Variants in FSTL4 observed in about 807,000 individuals in gnomAD.
FSTL4 encodes follistatin-related protein 4.
Under a neutral mutation model 78.2 loss-of-function variants are expected in FSTL4, and 28 were observed. That is an observed-to-expected ratio of 0.36 (90% CI 0.27 to 0.49). FSTL4 has a LOEUF of 0.49. Ranked by LOEUF, FSTL4 falls within the 20% of genes least tolerant of loss-of-function variation. FSTL4 has a pLI of 0.98. For missense variants in FSTL4, 922 were observed against 1,084.9 expected (o/e 0.85, Z 2.11); for synonymous variants, 422 against 440.5 (o/e 0.96, Z 0.53).
chr5:133,797,708 G>A, the FSTL4 span, among the ~76,000 whole-genome samples: 11 of 152,084 alleles, frequency 7.2e-5, no homozygotes, highest in African/African-American at 1.9e-4. Context: ...TCAGTTCTCC[G>A]TAGGAGTCCA....
the FSTL4 span, among the ~76,000 whole-genome samples, chr5:133,758,686 C>G: frequency 4.6e-5 from 7 of 152,180 alleles, no homozygotes; most frequent in Non-Finnish European, 1.0e-4. Flanking sequence ...TGCAGCGTAA[C>G]AGATTACCTC....
At chr5:133,604,117 CT>C (rs1760927114) in intron 1 of FSTL4, 124 bp from the exon 2 acceptor site, 1 of 677,012 alleles carries the variant, frequency 1.5e-6, no homozygotes, top group Non-Finnish European at 2.6e-6. Context: ...CACCAAACTT[CT>C]GTTCTACCTT....
At chr5:133,625,734 TATATATATATTCC>T in the FSTL4 span, among the ~76,000 whole-genome samples, 2 of 80,428 alleles carry the variant, frequency 2.5e-5, no homozygotes, top group Admixed American at 1.4e-4. Flanking sequence ...CATATATATA[TATATATATATTCC>T]ATATATATAT....
At chr5:133,705,477 C>T in the FSTL4 span, among the ~76,000 whole-genome samples, 3 of 152,334 alleles carry the variant, frequency 2.0e-5, no homozygotes, top group African/African-American at 4.8e-5. Flanking sequence ...TCTGCTCTGG[C>T]GTCCACCAGG....
chr5:133,332,934 A>G (rs550433560), intron 4 of FSTL4, among the ~76,000 whole-genome samples: 27 of 152,348 alleles, frequency 1.8e-4, no homozygotes, highest in Admixed American at 1.6e-3. Context: ...CATGGCACCC[A>G]GTATAGGCTC....
At chr5:133,436,301 C>A (rs1180469174) in intron 3 of FSTL4, among the ~76,000 whole-genome samples, 1 of 152,118 alleles carries the variant, frequency 6.6e-6, no homozygotes. Flanking sequence ...GACACTTGGG[C>A]TCAGCTCCAA....
intron 6 of FSTL4, among the ~76,000 whole-genome samples, chr5:133,298,581 G>A (rs190926659): frequency 5.4e-4 from 82 of 152,348 alleles, no homozygotes; most frequent in African/African-American, 1.6e-3. Flanking sequence ...AATTTGGGGC[G>A]TTTCCTTAAA....
the FSTL4 span, among the ~76,000 whole-genome samples, chr5:133,749,072 G>A: frequency 1.3e-5 from 2 of 152,172 alleles, no homozygotes; most frequent in Non-Finnish European, 2.9e-5. Context: ...CTCTGGGAGT[G>A]GGTTGGTTGT....
At chr5:133,582,334 G>A (rs1313407615) in intron 2 of FSTL4, among the ~76,000 whole-genome samples, 1 of 152,226 alleles carries the variant, frequency 6.6e-6, no homozygotes, top group Non-Finnish European at 1.5e-5. Context: ...ACCTCCAGGA[G>A]CTTCAGTTTC....
the FSTL4 span, among the ~76,000 whole-genome samples, chr5:133,787,333 G>A: frequency 0.034 from 5,198 of 152,204 alleles, 246 homozygotes; most frequent in African/African-American, 0.11. Context: ...GGGACTACAG[G>A]GACTGCCTTC....
chr5:133,773,299 A>G, the FSTL4 span, among the ~76,000 whole-genome samples: 1 of 150,790 alleles, frequency 6.6e-6, no homozygotes, highest in Non-Finnish European at 1.5e-5. Flanking sequence ...GACCCTGCTC[A>G]GCCACTGTCT....
chr5:133,315,316 A>G (rs926704315), intron 5 of FSTL4, among the ~76,000 whole-genome samples: 2 of 152,210 alleles, frequency 1.3e-5, no homozygotes, highest in Admixed American at 6.5e-5. Context: ...TACATGCTGG[A>G]CGCAGCACTT....
At chr5:133,201,507 T>C (rs1412497159) in intron 15 of FSTL4, among the ~76,000 whole-genome samples, 1 of 152,220 alleles carries the variant, frequency 6.6e-6, no homozygotes, top group African/African-American at 2.4e-5. Context: ...ACTTTGCCAG[T>C]TCCTAGCTGT....
chr5:133,758,952 C>A, the FSTL4 span, among the ~76,000 whole-genome samples: 1 of 152,212 alleles, frequency 6.6e-6, no homozygotes, highest in Non-Finnish European at 1.5e-5. Context: ...CTCAAGCAAA[C>A]TATTTCAGAG....
At chr5:133,221,934 C>T (rs1263584974) in intron 11 of FSTL4, among the ~76,000 whole-genome samples, 4 of 54,766 alleles carry the variant, frequency 7.3e-5, no homozygotes, top group Non-Finnish European at 1.0e-4. Context: ...TTTTAGCATG[C>T]TGAGAAAACT....
At chr5:133,290,827 G>A (rs1467624817) in intron 6 of FSTL4, among the ~76,000 whole-genome samples, 2 of 152,218 alleles carry the variant, frequency 1.3e-5, no homozygotes, top group Non-Finnish European at 2.9e-5. Flanking sequence ...GCGGTCCCTC[G>A]CCTGCAATGT....
intron 2 of FSTL4, among the ~76,000 whole-genome samples, chr5:133,579,766 A>G (rs902527527): frequency 6.6e-6 from 1 of 152,222 alleles, no homozygotes; most frequent in Admixed American, 6.5e-5. Flanking sequence ...AAGACAAAAA[A>G]GGAAGAAAGT....
At chr5:133,606,714 G>A (rs1297842815) in intron 1 of FSTL4, among the ~76,000 whole-genome samples, 2 of 152,136 alleles carry the variant, frequency 1.3e-5, no homozygotes, top group African/African-American at 2.4e-5. Context: ...ACGAAAAACA[G>A]CAAGATAATC....
At chr5:133,215,420 T>G (rs1347822539) in intron 13 of FSTL4, among the ~76,000 whole-genome samples, 1 of 152,208 alleles carries the variant, frequency 6.6e-6, no homozygotes, top group Admixed American at 6.5e-5. Flanking sequence ...ACTCCAGACC[T>G]GTTTATCTAA....
Sources: gnomAD v4.1 joint callset for allele counts (sites outside exome capture counted in the v4.1 genomes callset) on GRCh38, gnomAD v4.1.1 for gene constraint, MANE v1.5 for transcripts, NCBI Gene and HGNC (gene_info 2026-07-23, HGNC 2026-07-21) for gene names.